The following DOCK8 variants were observed in gnomAD, a reference collection of about 807,000 sequenced individuals.
The protein encoded by DOCK8 is dedicator of cytokinesis protein 8.
DOCK8 carries 141 observed loss-of-function variants against 245.6 expected under a neutral mutation model. That is an observed-to-expected ratio of 0.57 (90% CI 0.50 to 0.66). DOCK8 has a LOEUF of 0.66. Among genes scored for constraint, DOCK8 ranks in the 30% least tolerant of loss-of-function variants. The pLI is 0.00. For missense variants in DOCK8, 2,965 were observed against 2,603.4 expected (o/e 1.14, Z -3.02); for synonymous variants, 1,168 against 970.2 (o/e 1.20, Z -3.79).
chr9:418,003 T>C lies in DOCK8; in HGVS notation c.3701-65T>C, dbSNP rs10814836. 216,748 of 1,606,252 alleles carry C rather than the reference T, an allele frequency of 0.13. 23,508 individuals are homozygous for C. The highest frequency in any genetic ancestry group is 0.54 in the East Asian group (24,183 of 44,708). ...GTGACTGAGAAGTATCAGTCTCTTA[T>C]TGGGTAGGGGACATGGGGAAATGTC... On this transcript the variant is annotated intron_variant, in intron 29 of 47. Coordinates refer to ENST00000432829, the MANE Select transcript of DOCK8 (RefSeq NM_203447.4).
At chr9:284,626 T>A (rs2048733313) in intron 2 of DOCK8, 1 of 151,994 alleles carries the variant, frequency 6.6e-6, no homozygotes, top group African/African-American at 2.4e-5. Context: ...CATTCTACCA[T>A]AAAGACACAC....
At chr9:246,250 G>A (rs951526979) in intron 1 of DOCK8, among the ~76,000 whole-genome samples, 1 of 151,984 alleles carries the variant, frequency 6.6e-6, no homozygotes, top group Non-Finnish European at 1.5e-5. Context: ...GCCAGGTGTG[G>A]TTGCTCATGC....
chr9:350,050 C>T (rs2052081349), intron 14 of DOCK8, among the ~76,000 whole-genome samples: 1 of 152,168 alleles, frequency 6.6e-6, no homozygotes, highest in Admixed American at 6.5e-5. Context: ...TTCCAGGAAT[C>T]TCCTTGTGCT....
At chr9:364,649 A>AAAAT (rs1225138684) in intron 14 of DOCK8, among the ~76,000 whole-genome samples, 11 of 152,084 alleles carry the variant, frequency 7.2e-5, no homozygotes, top group African/African-American at 2.7e-4. Context: ...TTGAAAAAAA[A>AAAAT]AAAAAAAAAA....
At chr9:332,757 G>C (rs551938598) in intron 10 of DOCK8, among the ~76,000 whole-genome samples, 1 of 142,192 alleles carries the variant, frequency 7.0e-6, no homozygotes, top group African/African-American at 2.6e-5. Context: ...TCCTGGGCTT[G>C]AATGATCCTC....
Position 439,304 on chromosome 9 carries a change from C to T in DOCK8, c.5139C>T (p.Asp1713=), listed in dbSNP as rs568641163. The T allele has an allele frequency of 4.9e-5, 79 of 1,614,164 alleles. 1 individual carries two copies. Among genetic ancestry groups the T allele is most frequent in the Admixed American group, 3.8e-4 (23 of 60,034 alleles). The stretch of plus-strand genomic sequence containing the variant: ...TCTCTGAGGACACCCTGTCACCTGA[C>T]GAGGATGGGGTGTGCGCAGGCCAGT... ...SVVSEDTLSP[D]EDGVCAGQYF... The change falls in exon 40 of 48, where the codon GAC becomes GAT. Residue 1713 remains aspartate (D), a synonymous_variant. Coordinates refer to ENST00000432829, the MANE Select transcript of DOCK8 (RefSeq NM_203447.4).
chr9:215,262 T>G (rs944304278), intron 1 of DOCK8: 1 of 1,602,964 alleles, frequency 6.2e-7, no homozygotes, highest in Non-Finnish European at 8.5e-7. Flanking sequence ...TGCTCCTGGA[T>G]GTCCTCAGCC....
chr9:303,537 G>A (rs1279863702), intron 4 of DOCK8, among the ~76,000 whole-genome samples: 2 of 152,030 alleles, frequency 1.3e-5, no homozygotes, highest in African/African-American at 4.8e-5. Context: ...AATTAACACA[G>A]GAACAGAAAA....
At chr9:340,662 G>T (rs79724766) in intron 14 of DOCK8, 2 of 219,764 alleles carry the variant, frequency 9.1e-6, no homozygotes, top group African/African-American at 2.3e-5. Context: ...TTGGAAAACC[G>T]TTGAGCTCAC....
At chr9:214,329 AG>A, upstream of DOCK8, 1 of 614,574 alleles carries the variant, frequency 1.6e-6, no homozygotes, top group Non-Finnish European at 2.7e-6. Flanking sequence ...ACATTTTTTG[AG>A]AACTCATAAT....
upstream of DOCK8, chr9:213,697 T>C (rs1237756076): frequency 6.6e-6 from 1 of 150,924 alleles, no homozygotes; most frequent in East Asian, 1.9e-4. Flanking sequence ...TATTAAATAG[T>C]GCAGGTTTGA....
intron 1 of DOCK8, among the ~76,000 whole-genome samples, chr9:253,090 A>G (rs890752877): frequency 1.3e-5 from 2 of 152,148 alleles, no homozygotes; most frequent in African/African-American, 4.8e-5. Context: ...CTGGACCCCA[A>G]TTCCCACCAT....
chr9:329,501 A>C (rs2050912075), intron 9 of DOCK8, among the ~76,000 whole-genome samples: 1 of 152,210 alleles, frequency 6.6e-6, no homozygotes. Flanking sequence ...CTGTAGCTTG[A>C]GGGGAACTTA....
At chr9:282,447 G>T (rs1298511631) in intron 2 of DOCK8, among the ~76,000 whole-genome samples, 1 of 149,574 alleles carries the variant, frequency 6.7e-6, no homozygotes, top group Non-Finnish European at 1.5e-5. Flanking sequence ...TAGAGACAGG[G>T]TCTTCCTGTC....
At chr9:257,915 C>T (rs970980229) in intron 1 of DOCK8, among the ~76,000 whole-genome samples, 1 of 152,200 alleles carries the variant, frequency 6.6e-6, no homozygotes, top group Non-Finnish European at 1.5e-5. Context: ...CTAGCTTGGC[C>T]AGGGGATGTT....
intron 46 of DOCK8, among the ~76,000 whole-genome samples, chr9:454,841 A>G (rs1564088911): frequency 6.6e-6 from 1 of 152,118 alleles, no homozygotes; most frequent in Non-Finnish European, 1.5e-5. Flanking sequence ...TGCGTTTCTC[A>G]TTAGCTCCCA....
intron 1 of DOCK8, among the ~76,000 whole-genome samples, chr9:269,397 T>C (rs1288877475): frequency 6.6e-6 from 1 of 152,172 alleles, no homozygotes; most frequent in African/African-American, 2.4e-5. Context: ...CTTTTCCTTT[T>C]TATTGCTGAG....
intron 5 of DOCK8, among the ~76,000 whole-genome samples, chr9:305,537 G>A (rs113793026): frequency 0.031 from 4,739 of 152,044 alleles, 199 homozygotes; most frequent in African/African-American, 0.093. Flanking sequence ...CGCCCGCCTC[G>A]GCCTCCCAAA....
chr9:377,033 C>G lies in DOCK8; in HGVS notation c.2262C>G (p.Thr754=). 6.2e-7 allele frequency: 1 copy of G among 1,614,014 alleles called. No individual in the cohort carries two copies. Among genetic ancestry groups the G allele is most frequent in the Non-Finnish European group, 8.5e-7 (1 of 1,180,002 alleles). ...GCCACTCCCTGGAGAGCCAGGTGAC[C>G]TTCCCCATCCGCGTGCTGGATCAGA... ...TLCHSLESQV[T]FPIRVLDQKI... is the part of the protein sequence containing the mutation. The change falls in exon 20 of 48, where the codon ACC becomes ACG. Residue 754 remains threonine (T), a synonymous_variant. Transcript: ENST00000432829.
Sources: gnomAD v4.1 joint callset for allele counts (sites outside exome capture counted in the v4.1 genomes callset) on GRCh38, gnomAD v4.1.1 for gene constraint, MANE v1.5 for transcripts, NCBI Gene and HGNC (gene_info 2026-07-23, HGNC 2026-07-21) for gene names.